FSTL5: variants seen among roughly 807,000 people sequenced by gnomAD.
FSTL5 encodes follistatin-related protein 5.
In FSTL5, 62 loss-of-function variants were observed where a neutral mutation model predicts 89.1. The ratio of observed to expected loss-of-function variants is 0.70; its 90% CI spans 0.57 to 0.86. The LOEUF (loss-of-function observed/expected upper bound fraction) is 0.86, where lower values mean the gene tolerates loss of function less well. Among genes scored for constraint, FSTL5 ranks in the 40% least tolerant of loss-of-function variants. FSTL5 has a pLI of 0.00. For synonymous variants in FSTL5, 383 were observed against 346.2 expected (o/e 1.11, Z -1.18); for missense variants, 1,057 against 1,001.6 (o/e 1.06, Z -0.75).
chr4:161,731,283 C>G (rs1739601042), intron 6 of FSTL5, among the ~76,000 whole-genome samples: 1 of 152,080 alleles, frequency 6.6e-6, no homozygotes, highest in Non-Finnish European at 1.5e-5. Context: ...CAACGTCACA[C>G]CTTCCCAGAC....
At chr4:162,131,338 T>A (rs1243176884) in intron 1 of FSTL5, among the ~76,000 whole-genome samples, 1 of 152,192 alleles carries the variant, frequency 6.6e-6, no homozygotes, top group Non-Finnish European at 1.5e-5. Flanking sequence ...AATGAATGAA[T>A]GTATTTGTTT....
At chr4:162,142,365 T>C (rs946103585) in intron 1 of FSTL5, among the ~76,000 whole-genome samples, 2 of 152,156 alleles carry the variant, frequency 1.3e-5, no homozygotes, top group African/African-American at 2.4e-5. Context: ...TATTTAATAA[T>C]CTGTAAATTA....
intron 4 of FSTL5, among the ~76,000 whole-genome samples, chr4:161,781,451 T>C (rs1428983505): frequency 1.3e-5 from 2 of 152,168 alleles, no homozygotes; most frequent in African/African-American, 4.8e-5. Flanking sequence ...TATAATAAAG[T>C]AAGCTTACTA....
At chr4:161,747,469 A>G (rs926249841) in intron 6 of FSTL5, among the ~76,000 whole-genome samples, 15 of 152,214 alleles carry the variant, frequency 9.9e-5, no homozygotes, top group Admixed American at 5.9e-4. Flanking sequence ...ATTATCATTA[A>G]TGCTAATTAA....
chr4:161,619,967 G>A (rs1223368391), intron 7 of FSTL5, among the ~76,000 whole-genome samples: 1 of 152,048 alleles, frequency 6.6e-6, no homozygotes, highest in Non-Finnish European at 1.5e-5. Flanking sequence ...AGACTGGATT[G>A]AGAGAATGTG....
At chr4:161,670,805 G>A (rs967791543) in intron 6 of FSTL5, among the ~76,000 whole-genome samples, 1 of 152,116 alleles carries the variant, frequency 6.6e-6, no homozygotes, top group Non-Finnish European at 1.5e-5. Context: ...TGCAAATCTA[G>A]AAACAAATTT....
At chr4:161,423,072 A>C (rs956224975) in intron 15 of FSTL5, among the ~76,000 whole-genome samples, 19 of 152,216 alleles carry the variant, frequency 1.2e-4, no homozygotes, top group Non-Finnish European at 2.2e-4. Context: ...TTTTTTCACT[A>C]CACTATGTCA....
At chr4:161,915,177 G>T (rs1485240786) in intron 4 of FSTL5, among the ~76,000 whole-genome samples, 1 of 152,006 alleles carries the variant, frequency 6.6e-6, no homozygotes, top group African/African-American at 2.4e-5. Context: ...TGGCTTTTTA[G>T]AATGATTAAT....
At chr4:162,060,623 A>G (rs182227300) in intron 2 of FSTL5, among the ~76,000 whole-genome samples, 103 of 152,100 alleles carry the variant, frequency 6.8e-4, no homozygotes, top group African/African-American at 2.4e-3. Flanking sequence ...TACTAGATCA[A>G]TACTAGATTG....
At chr4:161,718,896 TCTAA>T (rs1370844983) in intron 6 of FSTL5, among the ~76,000 whole-genome samples, 4 of 152,224 alleles carry the variant, frequency 2.6e-5, no homozygotes, top group Non-Finnish European at 5.9e-5. Flanking sequence ...CTTATTTTAT[TCTAA>T]CTAACACAGA....
At chr4:162,063,115 G>A (rs1272034294) in intron 2 of FSTL5, among the ~76,000 whole-genome samples, 1 of 151,404 alleles carries the variant, frequency 6.6e-6, no homozygotes, top group Non-Finnish European at 1.5e-5. Context: ...TCAATTCATA[G>A]GTCCCTAGCC....
intron 10 of FSTL5, among the ~76,000 whole-genome samples, chr4:161,537,482 C>G (rs1403135286): frequency 6.6e-6 from 1 of 152,180 alleles, no homozygotes. Context: ...GAGTTCCAAA[C>G]AATTCGGCTA....
At chr4:161,968,880 C>T (rs564563359) in intron 3 of FSTL5, among the ~76,000 whole-genome samples, 2 of 150,888 alleles carry the variant, frequency 1.3e-5, no homozygotes, top group Admixed American at 1.3e-4. Context: ...CATAAAAGAC[C>T]TTAAGAAGCA....
chr4:161,390,604 A>G (rs1730790256), intron 15 of FSTL5, among the ~76,000 whole-genome samples: 1 of 151,974 alleles, frequency 6.6e-6, no homozygotes, highest in Non-Finnish European at 1.5e-5. Context: ...CCACGTTACA[A>G]TGCTCCTATT....
intron 10 of FSTL5, among the ~76,000 whole-genome samples, chr4:161,536,366 C>T (rs1448041230): frequency 1.3e-5 from 2 of 152,128 alleles, no homozygotes; most frequent in Non-Finnish European, 2.9e-5. Context: ...CCCAGATCCA[C>T]AATCCTTAAG....
chr4:161,421,206 T>A (rs1731979976), intron 15 of FSTL5, among the ~76,000 whole-genome samples: 1 of 152,014 alleles, frequency 6.6e-6, no homozygotes, highest in African/African-American at 2.4e-5. Flanking sequence ...CCGGGCGTGG[T>A]GGTGTGCACC....
chr4:161,715,165 C>T (rs1241580604), intron 6 of FSTL5, among the ~76,000 whole-genome samples: 3 of 151,992 alleles, frequency 2.0e-5, no homozygotes, highest in Non-Finnish European at 4.4e-5. Context: ...ACTGAAAAAC[C>T]ACTGCTTGTG....
chr4:161,415,406 C>T (rs1227289796), intron 15 of FSTL5, among the ~76,000 whole-genome samples: 1 of 152,084 alleles, frequency 6.6e-6, no homozygotes, highest in African/African-American at 2.4e-5. Flanking sequence ...CAGGCACCCA[C>T]CATCATGCCT....
At chr4:161,535,537 A>G (rs974139734) in intron 10 of FSTL5, among the ~76,000 whole-genome samples, 4 of 152,140 alleles carry the variant, frequency 2.6e-5, no homozygotes, top group African/African-American at 9.7e-5. Context: ...GCTATGAGAT[A>G]TCATCGCACA....
Sources: gnomAD v4.1 joint callset for allele counts (sites outside exome capture counted in the v4.1 genomes callset) on GRCh38, gnomAD v4.1.1 for gene constraint, MANE v1.5 for transcripts, NCBI Gene and HGNC (gene_info 2026-07-23, HGNC 2026-07-21) for gene names.